Variants in MADD observed in about 807,000 individuals in gnomAD.
MADD encodes the protein MAP kinase-activating death domain protein.
Under a neutral mutation model 176.7 loss-of-function variants are expected in MADD, and 109 were observed. The ratio of observed to expected loss-of-function variants is 0.62; its 90% CI spans 0.53 to 0.72. The LOEUF (loss-of-function observed/expected upper bound fraction) is 0.72, where lower values mean the gene tolerates loss of function less well. Ranked by LOEUF, MADD falls within the 30% of genes least tolerant of loss-of-function variation. The pLI is 0.00. For missense variants in MADD, 1,914 were observed against 2,045.5 expected (o/e 0.94, Z 1.24); for synonymous variants, 771 against 771.3 (o/e 1.00, Z 0.01).
intron 31 of MADD, chr11:47,327,700 T>C: frequency 1.0e-5 from 10 of 985,450 alleles, no homozygotes; most frequent in Non-Finnish European, 1.2e-5. Flanking sequence ...CTGGGGCTTC[T>C]TGCTCTACCT....
intron 28 of MADD, chr11:47,324,036 T>G: frequency 1.5e-6 from 1 of 652,482 alleles, no homozygotes; most frequent in Non-Finnish European, 2.6e-6. Flanking sequence ...CAACCATATC[T>G]AGCATTCCTA....
chr11:47,297,913 C>T lies in MADD; in HGVS notation c.3642+1858C>T, dbSNP rs1386930247. 2.6e-5 allele frequency among the ~76,000 whole-genome samples: 4 copies of T among 151,414 alleles called. 1 individual carries two copies. In the South Asian group the frequency reaches 6.3e-4, roughly 24 times the overall value. ...ACACCATTCTCCTTCCTCAGCCTCC[C>T]GAGTAGCTGGGACTACAGGCGCCCA... On this transcript the variant is annotated intron_variant, in intron 22 of 32. Transcript: ENST00000402192.
upstream of MADD, chr11:47,270,126 G>GT (rs1373779173): frequency 6.6e-6 from 1 of 152,016 alleles, no homozygotes; most frequent in Non-Finnish European, 1.5e-5. Context: ...AGTGGTGCGT[G>GT]CCCCCCAGTG....
chr11:47,292,490 AC>A, intron 19 of MADD, 52 bp from the exon 21 acceptor site: 1 of 1,559,670 alleles, frequency 6.4e-7, no homozygotes, highest in Non-Finnish European at 8.8e-7. Context: ...CGTCTGTCTG[AC>A]CAGCCTCTGA....
At chr11:47,323,547 C>G (rs1387125792) in intron 27 of MADD, 124 bp from the exon 31 acceptor site, 1 of 903,568 alleles carries the variant, frequency 1.1e-6, no homozygotes, top group East Asian at 2.5e-5. Flanking sequence ...CTAGGGAAAC[C>G]ATGAGCGTAA....
intron 30 of MADD, 186 bp downstream of exon 33, chr11:47,324,763 C>T (rs747366237): frequency 1.7e-5 from 12 of 702,814 alleles, no homozygotes; most frequent in Admixed American, 6.0e-5. Context: ...GACCACCTGG[C>T]GCTGTGAAGG....
At chr11:47,307,588 C>T (rs1283162640) in intron 22 of MADD, among the ~76,000 whole-genome samples, 1 of 152,030 alleles carries the variant, frequency 6.6e-6, no homozygotes, top group Non-Finnish European at 1.5e-5. Flanking sequence ...TCTACTTACT[C>T]TATTTCATGT....
exon 4 of MADD, chr11:47,276,002 C>A: frequency 6.2e-7 from 1 of 1,614,212 alleles, no homozygotes; most frequent in Middle Eastern, 1.6e-4. Flanking sequence ...CTATCGATTG[C>A]TGCGCTCCCC....
chr11:47,327,645 T>G, intron 31 of MADD: 1 of 985,348 alleles, frequency 1.0e-6, no homozygotes, highest in Non-Finnish European at 1.2e-6. Context: ...TTCTCTCTTC[T>G]GTCAGAGAGA....
In MADD at chr11:47,284,493, C is replaced by G; in HGVS notation, c.2085C>G (p.Asn695Lys). 6.2e-7 allele frequency: 1 copy of G among 1,614,040 alleles called. No individual in the cohort carries two copies. Among genetic ancestry groups the G allele is most frequent in the Non-Finnish European group, 8.5e-7 (1 of 1,180,008 alleles). Reference sequence around the variant, plus strand: ...CAGACAGTGAGAACTCTCAGGAAAACCCCCCACTGCGCTCCAGCTCTAGCA... The same window carrying G: ...CAGACAGTGAGAACTCTCAGGAAAAGCCCCCACTGCGCTCCAGCTCTAGCA... Residue 695 changes from asparagine to lysine, a missense_variant, in exon 12 of 33, where the codon AAC (asparagine) becomes AAG (lysine). Around this residue, in one of 2 missense-constraint regions of MADD, gnomAD observed 1,767 missense variants for 1,836.0 expected, o/e 0.96. Coordinates refer to ENST00000402192, the Ensembl canonical transcript of MADD.
intron 10 of MADD, 87 bp from the exon 11 acceptor site, chr11:47,284,090 TC>T (rs2059005366): frequency 1.1e-6 from 1 of 876,722 alleles, no homozygotes; most frequent in South Asian, 1.4e-5. Flanking sequence ...TTCGGAGTGC[TC>T]CCCCTTTTAT....
At chr11:47,287,257 G>A (rs537704338) in intron 15 of MADD, among the ~76,000 whole-genome samples, 2 of 152,198 alleles carry the variant, frequency 1.3e-5, no homozygotes, top group South Asian at 4.1e-4. Context: ...AGGAGGCGGA[G>A]GTTGCAGTGA....
At chr11:47,302,862 G>T (rs1334836849) in intron 22 of MADD, among the ~76,000 whole-genome samples, 4 of 152,026 alleles carry the variant, frequency 2.6e-5, no homozygotes, top group African/African-American at 7.2e-5. Context: ...TGGTTTGGTG[G>T]TTTTCTGTAG....
chr11:47,323,801 C>T, exon 28 of MADD: 1 of 1,614,204 alleles, frequency 6.2e-7, no homozygotes, highest in Non-Finnish European at 8.5e-7. Context: ...AGAAATGGCT[C>T]TGAGACCCAG....
intron 7 of MADD, among the ~76,000 whole-genome samples, chr11:47,279,467 C>G (rs2054161492): frequency 2.0e-5 from 3 of 148,504 alleles, no homozygotes. Context: ...TCACTGCAAG[C>G]TCTGCCTTCT....
At chr11:47,293,836 G>A (rs757887157) in intron 19 of MADD, 47 bp from the exon 22 acceptor site, 1 of 1,254,082 alleles carries the variant, frequency 8.0e-7, no homozygotes, top group South Asian at 1.2e-5. Flanking sequence ...TTACCAGCCT[G>A]CCCCTAGCCT....
chr11:47,289,570 C>A, intron 16 of MADD, 77 bp downstream of exon 17: 1 of 1,210,966 alleles, frequency 8.3e-7, no homozygotes, highest in Non-Finnish European at 1.2e-6. Flanking sequence ...TAGGGATGCT[C>A]AAGAGTGGGA....
chr11:47,290,467 G>C, intron 18 of MADD, 143 bp from the exon 20 acceptor site: 1 of 1,256,942 alleles, frequency 8.0e-7, no homozygotes, highest in South Asian at 1.5e-5. Flanking sequence ...GGTATTCTTT[G>C]TTACGAAAAA....
intron 1 of MADD, among the ~76,000 whole-genome samples, chr11:47,272,861 G>C (rs2045997507): frequency 1.3e-5 from 2 of 152,148 alleles, no homozygotes; most frequent in East Asian, 1.9e-4. Flanking sequence ...CTGATTCTGA[G>C]CCTGAGATCA....
Sources: gnomAD v4.1 joint callset for allele counts (sites outside exome capture counted in the v4.1 genomes callset) on GRCh38, gnomAD v4.1.1 for gene constraint, gnomAD v4.1.1 regional missense constraint, MANE v1.5 for transcripts, NCBI Gene and HGNC (gene_info 2026-07-23, HGNC 2026-07-21) for gene names.